The following SLC2A3 variants were observed in gnomAD, a reference collection of about 807,000 sequenced individuals.
SLC2A3 encodes the protein solute carrier family 2, facilitated glucose transporter member 3.
A neutral mutation model predicts 46.4 loss-of-function variants in SLC2A3; 21 were observed. The observed-to-expected ratio is 0.45, with a 90% confidence interval of 0.32 to 0.65. The LOEUF is 0.65. Ranked by LOEUF, SLC2A3 falls within the 30% of genes least tolerant of loss-of-function variation. SLC2A3 has a pLI of 0.04. For missense variants in SLC2A3, 499 were observed against 623.3 expected (o/e 0.80, Z 2.12); for synonymous variants, 213 against 239.4 (o/e 0.89, Z 1.02).
Position 7,931,582 on chromosome 12 carries a change from C to A in SLC2A3, c.270-97G>T, listed in dbSNP as rs1287989644. On this transcript the variant is annotated intron_variant, in intron 3 of 9. Transcript: ENST00000075120. ...ATTCTGTTCTTCTCCAGGCTCATAT[C>A]ATCCCTTTTTTTTTTAATCTAACTT... The A allele has an allele frequency of 3.4e-6, 5 of 1,487,916 alleles. No individual in the cohort carries two copies. In the East Asian group the frequency reaches 9.1e-5, roughly 27 times the overall value. The allele number at this position is 1,487,916 out of a possible 1,614,324, so 92.2% of individuals were successfully genotyped here. A position where few individuals can be genotyped will look rare whatever the true frequency, so the allele number is the denominator to read the frequency against.
Position 7,931,269 on chromosome 12 carries a change from G to T in SLC2A3, c.486C>A (p.Ile162=), listed in dbSNP as rs150412980. 5.3e-5 allele frequency: 85 copies of T among 1,613,936 alleles called. 1 individual carries two copies. In the Admixed American group the frequency reaches 6.2e-4, roughly 12 times the overall value. ...CCTGGGCCACCAGAATTCCAACAACGATGCCCAGCTGGTTGAGAGTGCCAA... is the reference window on the plus strand; with the variant it reads ...CCTGGGCCACCAGAATTCCAACAACTATGCCCAGCTGGTTGAGAGTGCCAA... ...GAFGTLNQLG[I]VVGILVAQIF... The change falls in exon 4 of 10, where the codon ATC becomes ATA. Residue 162 remains isoleucine (I), a synonymous_variant. Transcript: ENST00000075120.
chr12:7,923,403 C>T (rs1279365079), intron 8 of SLC2A3: 1 of 176,688 alleles, frequency 5.7e-6, no homozygotes, highest in East Asian at 1.6e-4. Flanking sequence ...TATCTGAGGT[C>T]AAGAGTTGGA....
rs1367701940 is a variant in SLC2A3, at chr12:7,936,036, G to T, written c.-2C>A. 2 of 1,606,766 alleles carry T rather than the reference G, an allele frequency of 1.2e-6. No homozygotes were observed. Among genetic ancestry groups the T allele is most frequent in the South Asian group, 2.2e-5 (2 of 90,940 alleles). On this transcript the variant is annotated 5_prime_UTR_variant, in exon 1 of 10. Transcript: ENST00000075120. Reference sequence around the variant, plus strand: ...CATTCTTACCTTCTGTGTCCCCATCGCTGTAATCTAATTCAAGTCTTCAAG... The same window carrying T: ...CATTCTTACCTTCTGTGTCCCCATCTCTGTAATCTAATTCAAGTCTTCAAG...
rs1946029248 is a variant in SLC2A3, at chr12:7,920,841, A to C, written c.*572T>G. The C allele has an allele frequency of 6.5e-6, 1 of 154,358 alleles. No individual in the cohort carries two copies. The allele number at this position is 154,358 out of a possible 1,614,324, so 9.6% of individuals were successfully genotyped here. ...AAAAAATAAATATTTCCATCATGGC[A>C]TATATATACCTATGTAACAAACCTG... On this transcript the variant is annotated 3_prime_UTR_variant, in exon 10 of 10. Coordinates refer to ENST00000075120, the MANE Select transcript of SLC2A3 (RefSeq NM_006931.3).
At chr12:7,931,793 A>G (rs1272136709) in intron 3 of SLC2A3, among the ~76,000 whole-genome samples, 2 of 152,044 alleles carry the variant, frequency 1.3e-5, no homozygotes. Flanking sequence ...GTAAAAAAAC[A>G]AAAGAACAAC....
In SLC2A3 at chr12:7,920,477, A is replaced by G. The variant is rs1946023942; in HGVS notation, c.*936T>C. The G allele has an allele frequency of 1.3e-5, 2 of 152,158 alleles. No individual in the cohort carries two copies. Among genetic ancestry groups the G allele is most frequent in the Admixed American group, 1.3e-4 (2 of 15,274 alleles). The allele number at this position is 152,158 out of a possible 1,614,324, so 9.4% of individuals were successfully genotyped here. ...TCAACCATCATTAACTACAATGCCC[A>G]TATTAGTTAATAATCCTAGATTTCA... On this transcript the variant is annotated 3_prime_UTR_variant, in exon 10 of 10. Transcript: ENST00000075120.
chr12:7,929,506 C>A, intron 6 of SLC2A3, 178 bp downstream of exon 6: 1 of 883,768 alleles, frequency 1.1e-6, no homozygotes, highest in Non-Finnish European at 1.7e-6. Context: ...ACTCTGTCTC[C>A]CAGGCTGGAA....
rs138688798 is a variant in SLC2A3, at chr12:7,933,001, G to A, written c.255C>T (p.Val85=). 6.2e-6 allele frequency: 10 copies of A among 1,614,082 alleles called. No individual in the cohort carries two copies. The East Asian group carries it at 6.7e-5, about 11-fold the overall frequency. The change falls in exon 3 of 10, where the codon GTC becomes GTT. Residue 85 remains valine (V), a synonymous_variant. Transcript: ENST00000075120. ...CTAGTCAATACCTGCCAAAGCGGTTGACGAAGAGTCCGACGGAAAAGGAGC... is the reference window on the plus strand; with the variant it reads ...CTAGTCAATACCTGCCAAAGCGGTTAACGAAGAGTCCGACGGAAAAGGAGC... The part of the protein sequence containing the change: ...MIGSFSVGLF[V]NRFGRRNSML...
Position 7,930,448 on chromosome 12 carries a change from A to G in SLC2A3, c.673+32T>C, listed in dbSNP as rs774402681. The G allele has an allele frequency of 3.1e-6, 5 of 1,595,402 alleles. No homozygotes were observed. The South Asian group carries it at 4.4e-5, about 14-fold the overall frequency. Reference sequence around the variant, plus strand: ...TCCCTAAAACAAACCACAACCATATAATTCATGTAGTAAGGTGTGAAGGAT... The same window carrying G: ...TCCCTAAAACAAACCACAACCATATGATTCATGTAGTAAGGTGTGAAGGAT... On this transcript the variant is annotated intron_variant, in intron 5 of 9. Transcript: ENST00000075120.
At chr12:7,927,121 G>A (rs1262115644) in intron 6 of SLC2A3, among the ~76,000 whole-genome samples, 12 of 152,004 alleles carry the variant, frequency 7.9e-5, no homozygotes, top group Admixed American at 2.6e-4. Context: ...TAAATCCCTA[G>A]TACGTAAGAT....
intron 3 of SLC2A3, chr12:7,932,780 T>A (rs891862749): frequency 1.6e-6 from 1 of 631,942 alleles, no homozygotes; most frequent in Non-Finnish European, 2.7e-6. Flanking sequence ...ACAGTTCATC[T>A]CTTGCACAGC....
intron 3 of SLC2A3, chr12:7,932,631 A>C: frequency 5.1e-6 from 1 of 195,106 alleles, no homozygotes; most frequent in Non-Finnish European, 1.0e-5. Context: ...AATCCTGGGT[A>C]AAATAATAAA....
chr12:7,927,980 T>C (rs1565603655), intron 6 of SLC2A3, among the ~76,000 whole-genome samples: 1 of 152,030 alleles, frequency 6.6e-6, no homozygotes, highest in East Asian at 1.9e-4. Context: ...ATCTGGGCTG[T>C]AATCCCACCT....
In SLC2A3 at chr12:7,936,090, C is replaced by T; in HGVS notation, c.-56G>A. On this transcript the variant is annotated 5_prime_UTR_variant, in exon 1 of 10. Transcript: ENST00000075120. Reference sequence around the variant, plus strand: ...GATCTAGGGGTGATTCCAGAAACAGCTTTTTCAGCCAACAAAACCTTCAAA... The same window carrying T: ...GATCTAGGGGTGATTCCAGAAACAGTTTTTTCAGCCAACAAAACCTTCAAA... The T allele has an allele frequency of 6.7e-7, 1 of 1,485,482 alleles. No individual in the cohort carries two copies. The highest frequency in any genetic ancestry group is 9.4e-7 in the Non-Finnish European group (1 of 1,063,504). The allele number at this position is 1,485,482 out of a possible 1,614,324, so 92.0% of individuals were successfully genotyped here. A position where few individuals can be genotyped will look rare whatever the true frequency, so the allele number is the denominator to read the frequency against.
At chr12:7,931,559 T>C in intron 3 of SLC2A3, 74 bp from the exon 4 acceptor site, 1 of 1,581,006 alleles carries the variant, frequency 6.3e-7, no homozygotes, top group Non-Finnish European at 8.6e-7. Context: ...TCCTCATTAT[T>C]CTGTTCTTCT....
At chr12:7,929,374 T>C in intron 6 of SLC2A3, 2 of 318,978 alleles carry the variant, frequency 6.3e-6, no homozygotes, top group Non-Finnish European at 1.2e-5. Flanking sequence ...CTCTTTAAAC[T>C]ACCATGCTCG....
In SLC2A3 at chr12:7,930,450, T is replaced by C. The variant is rs1475180947; in HGVS notation, c.673+30A>G. 6 of 1,599,442 alleles carry C rather than the reference T, an allele frequency of 3.8e-6. 1 individual carries two copies. In the South Asian group the frequency reaches 4.4e-5, roughly 12 times the overall value. ...CCTAAAACAAACCACAACCATATAATTCATGTAGTAAGGTGTGAAGGATAC... is the reference window on the plus strand; with the variant it reads ...CCTAAAACAAACCACAACCATATAACTCATGTAGTAAGGTGTGAAGGATAC... On this transcript the variant is annotated intron_variant, in intron 5 of 9. Transcript: ENST00000075120.
chr12:7,930,080 G>A lies in SLC2A3; in HGVS notation c.674-209C>T, dbSNP rs538867946. On this transcript the variant is annotated intron_variant, in intron 5 of 9. Transcript: ENST00000075120. ...AGCTCCCTGCAACCTCCACTTCCCGGGTTCACACGATTCTCCTGCCTCAGC... is the reference window on the plus strand; with the variant it reads ...AGCTCCCTGCAACCTCCACTTCCCGAGTTCACACGATTCTCCTGCCTCAGC... 2.5e-3 allele frequency: 2,674 copies of A among 1,053,982 alleles called. 12 individuals are homozygous for A. Among genetic ancestry groups the A allele is most frequent in the Non-Finnish European group, 2.8e-3 (2,161 of 766,564 alleles). The allele number at this position is 1,053,982 out of a possible 1,614,324, so 65.3% of individuals were successfully genotyped here.
At chr12:7,932,848 C>G in intron 3 of SLC2A3, 139 bp downstream of exon 3, 2 of 1,272,154 alleles carry the variant, frequency 1.6e-6, no homozygotes, top group Non-Finnish European at 2.2e-6. Flanking sequence ...TATTCGGGGC[C>G]AGTTGGACTA....
Sources: allele counts gnomAD v4.1 joint callset (sites outside exome capture counted in the v4.1 genomes callset), GRCh38; gene constraint gnomAD v4.1.1; transcripts MANE v1.5; gene names NCBI Gene and HGNC (gene_info 2026-07-23, HGNC 2026-07-21).